The following ADISSP variants were observed in gnomAD, a reference collection of about 807,000 sequenced individuals.
ADISSP encodes the protein adipose secreted signaling protein.
At chr20:3,755,229 C>T in the ADISSP span, among the ~76,000 whole-genome samples, 1 of 152,152 alleles carries the variant, frequency 6.6e-6, no homozygotes, top group African/African-American at 2.4e-5. Context: ...GTTACTGCCC[C>T]ACGGAGGTAA....
the ADISSP span, chr20:3,753,876 A>T: frequency 3.3e-6 from 2 of 605,944 alleles, no homozygotes; most frequent in African/African-American, 3.7e-5. Flanking sequence ...GTGGGAGAGG[A>T]GGACGAGGGA....
At chr20:3,764,339 G>A in the ADISSP span, among the ~76,000 whole-genome samples, 1 of 152,196 alleles carries the variant, frequency 6.6e-6, no homozygotes, top group Non-Finnish European at 1.5e-5. Flanking sequence ...ACCAGTGGCT[G>A]GTGAGCAAAG....
At chr20:3,753,812 T>C in the ADISSP span, 1 of 566,926 alleles carries the variant, frequency 1.8e-6, no homozygotes, top group African/African-American at 1.9e-5. Flanking sequence ...CAGCCTCCTT[T>C]CGGGCTCAAC....
the ADISSP span, among the ~76,000 whole-genome samples, chr20:3,766,532 C>T: frequency 6.6e-6 from 1 of 152,302 alleles, no homozygotes; most frequent in African/African-American, 2.4e-5. Flanking sequence ...CCTCCTCTGC[C>T]CAGCATTCTC....
At chr20:3,768,250 C>T in the ADISSP span, 1 of 152,206 alleles carries the variant, frequency 6.6e-6, no homozygotes, top group Non-Finnish European at 1.5e-5. Context: ...GCTGAGGAAC[C>T]CTCCATCACT....
At chr20:3,758,635 G>A in the ADISSP span, 574 of 1,613,948 alleles carry the variant, frequency 3.6e-4, no homozygotes, top group East Asian at 6.2e-4. The surrounding 1 kb of genome is among the most constrained non-coding windows in gnomAD (Gnocchi z 5.5). Flanking sequence ...CTTCTGCATC[G>A]TGGCCTGCCG....
the ADISSP span, chr20:3,758,754 C>T: frequency 7.2e-7 from 1 of 1,382,800 alleles, no homozygotes; most frequent in African/African-American, 1.4e-5. The surrounding 1 kb of genome is among the most constrained non-coding windows in gnomAD (Gnocchi z 5.5). Context: ...CCTCGTCACC[C>T]CCAAGACTGC....
At chr20:3,756,393 T>C in the ADISSP span, among the ~76,000 whole-genome samples, 2 of 152,176 alleles carry the variant, frequency 1.3e-5, no homozygotes, top group African/African-American at 4.8e-5. Flanking sequence ...TCCAGTAGTA[T>C]GAAGGGTCAC....
At chr20:3,763,973 C>T in the ADISSP span, among the ~76,000 whole-genome samples, 2 of 152,200 alleles carry the variant, frequency 1.3e-5, no homozygotes, top group East Asian at 1.9e-4. Context: ...CCAGCAACCC[C>T]CTCTTGGAGG....
At chr20:3,760,244 A>C in the ADISSP span, 2 of 646,502 alleles carry the variant, frequency 3.1e-6, no homozygotes, top group Non-Finnish European at 5.5e-6. Context: ...CCCATGGCTC[A>C]GGGACACCAG....
the ADISSP span, among the ~76,000 whole-genome samples, chr20:3,755,043 C>T: frequency 6.6e-6 from 1 of 152,180 alleles, no homozygotes; most frequent in Non-Finnish European, 1.5e-5. Flanking sequence ...GGGCATGGGG[C>T]AGGGCCTGAA....
chr20:3,755,479 G>T, the ADISSP span: 1 of 1,611,340 alleles, frequency 6.2e-7, no homozygotes. Context: ...CTTCAGGGAC[G>T]GGCACCACGC....
At chr20:3,757,035 A>AAAT in the ADISSP span, among the ~76,000 whole-genome samples, 1 of 152,170 alleles carries the variant, frequency 6.6e-6, no homozygotes, top group Non-Finnish European at 1.5e-5. Context: ...AAAAATAAAT[A>AAAT]AATAAATAAA....
At chr20:3,766,005 A>G in the ADISSP span, among the ~76,000 whole-genome samples, 1 of 152,236 alleles carries the variant, frequency 6.6e-6, no homozygotes, top group South Asian at 2.1e-4. Context: ...CATGCTCCCA[A>G]CGTCTGAGAC....
At chr20:3,758,567 G>A in the ADISSP span, 2 of 1,613,950 alleles carry the variant, frequency 1.2e-6, no homozygotes, top group Non-Finnish European at 1.7e-6. The surrounding 1 kb of genome is among the most constrained non-coding windows in gnomAD (Gnocchi z 5.5). Context: ...ACTCTCCTGG[G>A]TGACCATGAC....
chr20:3,766,116 C>T, the ADISSP span, among the ~76,000 whole-genome samples: 4 of 152,220 alleles, frequency 2.6e-5, no homozygotes, highest in African/African-American at 9.7e-5. Flanking sequence ...CTACCTCTTC[C>T]TCTCCTACCC....
At chr20:3,754,327 TGAG>T in the ADISSP span, 16 of 1,576,516 alleles carry the variant, frequency 1.0e-5, no homozygotes, top group African/African-American at 1.3e-5. Flanking sequence ...CTTGGTTCCC[TGAG>T]GAGGACAGAA....
chr20:3,763,216 A>G, the ADISSP span, among the ~76,000 whole-genome samples: 3,292 of 143,894 alleles, frequency 0.023, 139 homozygotes, highest in African/African-American at 0.079. Context: ...AGATCCCGCC[A>G]CTGCACTCCA....
the ADISSP span, among the ~76,000 whole-genome samples, chr20:3,759,385 AGGCCAGAAAG>A: frequency 1.3e-5 from 2 of 152,162 alleles, no homozygotes; most frequent in Non-Finnish European, 2.9e-5. This position sits in a 1 kb window ranked among gnomAD's most constrained non-coding sequence, Gnocchi z 4.6. Context: ...GGGTTCTCCA[AGGCCAGAAAG>A]GGCAGACGGA....
Sources: allele counts gnomAD v4.1 joint callset (sites outside exome capture counted in the v4.1 genomes callset), GRCh38; gene constraint gnomAD v4.1.1; non-coding constraint Gnocchi (gnomAD v3.1); transcripts MANE v1.5; gene names NCBI Gene and HGNC (gene_info 2026-07-23, HGNC 2026-07-21).